AKAP9: variants seen among roughly 807,000 people sequenced by gnomAD.
AKAP9 encodes the protein A-kinase anchor protein 9.
A neutral mutation model predicts 488.5 loss-of-function variants in AKAP9; 311 were observed. The ratio of observed to expected loss-of-function variants is 0.64; its 90% CI spans 0.58 to 0.70. The LOEUF is 0.70. AKAP9 is among the 30% of genes least tolerant of loss of function. AKAP9 has a pLI of 0.00. For synonymous variants in AKAP9, 1,462 were observed against 1,483.5 expected, an observed-to-expected ratio of 0.99 and a Z score of 0.33; for missense variants, 4,215 against 4,374.5, an observed-to-expected ratio of 0.96 and a Z score of 1.03.
chr7:92,044,884 A>G lies in AKAP9; in HGVS notation c.5163-124A>G. On this transcript the variant is annotated intron_variant, in intron 20 of 49. Transcript: ENST00000356239. The stretch of plus-strand genomic sequence containing the variant: ...ATTGTAGATGCTATTGGGTATTTTA[A>G]TAAAAAGGATCATCTGTTATTTTTC... 7.0e-6 allele frequency: 5 copies of G among 710,158 alleles called. No homozygotes were observed. In the South Asian group the frequency reaches 8.5e-5, roughly 12 times the overall value. 44.0% of individuals were successfully genotyped at this position (710,158 alleles called of 1,614,324 possible). A position where few individuals can be genotyped will look rare whatever the true frequency, so the allele number is the denominator to read the frequency against.
At chr7:92,072,471 AT>A (rs754382159) in intron 28 of AKAP9, among the ~76,000 whole-genome samples, 3 of 152,158 alleles carry the variant, frequency 2.0e-5, no homozygotes, top group African/African-American at 7.2e-5. Context: ...CTTCTTAAGC[AT>A]TTTTTCCCCA....
intron 1 of AKAP9, among the ~76,000 whole-genome samples, chr7:91,963,527 C>CAT (rs1554381742): frequency 2.1e-5 from 3 of 144,952 alleles, no homozygotes; most frequent in African/African-American, 5.3e-5. Context: ...CACACACACA[C>CAT]ATATTTTTGA....
At chr7:92,104,984 C>T (rs569890658) in intron 46 of AKAP9, among the ~76,000 whole-genome samples, 8 of 152,180 alleles carry the variant, frequency 5.3e-5, no homozygotes, top group Non-Finnish European at 1.2e-4. Context: ...TTCATGAGAG[C>T]GGTGTAGAAG....
chr7:92,066,099 T>C (rs1479409913), intron 25 of AKAP9, among the ~76,000 whole-genome samples: 1 of 152,180 alleles, frequency 6.6e-6, no homozygotes, highest in Non-Finnish European at 1.5e-5. Flanking sequence ...TAACATGGAA[T>C]TCCTCCTTTG....
rs144088094 is a variant in AKAP9 at position 92,069,401 on chromosome 7, A to G, written c.6331-629A>G. Among the ~76,000 whole-genome samples, 38 of 152,324 alleles carry G rather than the reference A, an allele frequency of 2.5e-4. 1 individual carries two copies. The highest frequency in any genetic ancestry group is 1.2e-3 in the East Asian group (6 of 5,188). On this transcript the variant is annotated intron_variant, in intron 26 of 49. Transcript: ENST00000356239. ...TTTTTTAAAGGATTACGTGAAAGCA[A>G]TATTACTTGTGGTCTACTAGTGTTG...
In AKAP9 at chr7:92,062,487, G is replaced by GT. The variant is rs1367899263; in HGVS notation, c.5977+2dup. The GT allele has an allele frequency of 2.5e-6, 4 of 1,611,726 alleles. No individual in the cohort carries two copies. The highest frequency in any genetic ancestry group is 1.3e-5 in the African/African-American group (1 of 74,834). ...GCAGAGGCAGGCCCAGTTGAACAACGTAAGTATTTTCAGAATTTGTATGAA... is the reference window on the plus strand; with the variant it reads ...GCAGAGGCAGGCCCAGTTGAACAACGTTAAGTATTTTCAGAATTTGTATGAA... On this transcript the variant is annotated splice_donor_variant, in intron 24 of 49. Transcript: ENST00000356239. LOFTEE classifies it high-confidence loss of function.
At chr7:92,083,005 A>C (rs1813853326) in intron 32 of AKAP9, among the ~76,000 whole-genome samples, 165 bp from the exon 33 acceptor site, 1 of 152,158 alleles carries the variant, frequency 6.6e-6, no homozygotes, top group African/African-American at 2.4e-5. Context: ...GTACATACAA[A>C]TATATATATG....
intron 14 of AKAP9, among the ~76,000 whole-genome samples, chr7:92,026,207 T>C (rs1482234300): frequency 6.6e-6 from 1 of 152,164 alleles, no homozygotes; most frequent in African/African-American, 2.4e-5. Flanking sequence ...AGGAGCTTAA[T>C]TGCAAGAGGG....
Position 92,003,252 on chromosome 7 carries a change from A to T in AKAP9, c.3318+17A>T, listed in dbSNP as rs780193549. On this transcript the variant is annotated intron_variant, in intron 8 of 49. Transcript: ENST00000356239. ...TCAGAACAGGTATGTTTACTTCTTC[A>T]TATATGGTAAAGCACAATGAAAAAA... 46 of 1,535,370 alleles carry T rather than the reference A, an allele frequency of 3.0e-5. No homozygotes were observed. In the South Asian group the frequency reaches 4.5e-4, roughly 15 times the overall value.
rs1421984700 is a variant in AKAP9 at position 92,023,356 on chromosome 7, T to G, written c.4148+347T>G. ...TGATATGGTGAATACTTAAGGAATA[T>G]AAGGTAGGATCATTCCAGTCATGGC... On this transcript the variant is annotated intron_variant, in intron 14 of 49. Transcript: ENST00000356239. Among the ~76,000 whole-genome samples the G allele has an allele frequency of 3.9e-5, 6 of 152,220 alleles. No homozygotes were observed. In the East Asian group the frequency reaches 1.2e-3, roughly 29 times the overall value.
At chr7:92,044,831 G>T (rs1373659095) in intron 20 of AKAP9, among the ~76,000 whole-genome samples, 177 bp from the exon 21 acceptor site, 1 of 151,674 alleles carries the variant, frequency 6.6e-6, no homozygotes, top group Non-Finnish European at 1.5e-5. Context: ...TTATAATATA[G>T]TTACAAATAA....
rs535928082 is a variant in AKAP9 at position 92,107,488 on chromosome 7, C to T, written c.11546+66C>T. 8 of 1,485,926 alleles carry T rather than the reference C, an allele frequency of 5.4e-6. No individual in the cohort carries two copies. The East Asian group carries it at 1.8e-4, about 34-fold the overall frequency. 92.0% of individuals were successfully genotyped at this position (1,485,926 alleles called of 1,614,324 possible). ...TTAATATTTAACAGAGATAAATGGA[C>T]ATTTTTAGGGCTTTGACTTCTTTGC... On this transcript the variant is annotated intron_variant, in intron 48 of 49. Coordinates refer to ENST00000356239, the MANE Select transcript of AKAP9 (RefSeq NM_005751.5).
At chr7:92,064,251 ATGT>A (rs1381440079) in intron 24 of AKAP9, among the ~76,000 whole-genome samples, 1 of 152,020 alleles carries the variant, frequency 6.6e-6, no homozygotes, top group East Asian at 1.9e-4. Context: ...TTAACATCTA[ATGT>A]TGTTTTAAAA....
intron 25 of AKAP9, 51 bp from the exon 26 acceptor site, chr7:92,066,376 T>C: frequency 6.2e-7 from 1 of 1,603,576 alleles, no homozygotes; most frequent in African/African-American, 1.3e-5. Flanking sequence ...AATAATAGCT[T>C]CTCTAAATAC....
At chr7:92,004,430 T>G (rs1799548667) in intron 8 of AKAP9, among the ~76,000 whole-genome samples, 1 of 152,232 alleles carries the variant, frequency 6.6e-6, no homozygotes, top group Non-Finnish European at 1.5e-5. Flanking sequence ...TTCACAATAT[T>G]GATTCTTCCT....
At position 92,077,799 on chromosome 7, in the gene AKAP9, A is replaced by C; in HGVS notation, c.6869A>C (p.Lys2290Thr). Residue 2290 changes from lysine to threonine, a missense_variant, in exon 30 of 50, where the codon AAA becomes ACA. Lys to Thr is a moderately conservative substitution (Grantham distance 78, BLOSUM62 -1). Around this residue, in one of 5 missense-constraint regions of AKAP9, gnomAD observed 1,476 missense variants for 1,477.4 expected, o/e 1.00. Transcript: ENST00000356239. ...AAATTTGCTCAAATAATACAGGAAA[A>C]AGAGGTAGAAATTGACCAATTAAAT... Reference protein sequence around the residue: ...FGKFAQIIQEKEVEIDQLNEQ... With the variant: ...FGKFAQIIQETEVEIDQLNEQ... 1 of 1,613,804 alleles carries C rather than the reference A, an allele frequency of 6.2e-7. No homozygotes were observed. Among genetic ancestry groups the C allele is most frequent in the Non-Finnish European group, 8.5e-7 (1 of 1,179,862 alleles).
In AKAP9 at chr7:92,093,139, T is replaced by C. The variant is rs1333871837; in HGVS notation, c.9401T>C (p.Leu3134Pro). 2 of 1,614,194 alleles carry C rather than the reference T, an allele frequency of 1.2e-6. No individual in the cohort carries two copies. Among genetic ancestry groups the C allele is most frequent in the Non-Finnish European group, 1.7e-6 (2 of 1,180,016 alleles). Residue 3134 changes from leucine (L) to proline (P), a missense_variant, in exon 39 of 50, where the codon CTG becomes CCG. This residue lies in a region of AKAP9 where 1,476 missense variants were observed against 1,477.4 expected (regional missense o/e 1.00). Transcript: ENST00000356239. ...YNIQQKQSQMLEMQVELSSMK... is the reference protein window; with the variant it reads ...YNIQQKQSQMPEMQVELSSMK... ...ATACAGCAGAAGCAGTCTCAAATGC[T>C]GGAGATGCAAGTGGAGCTCAGCAGT...
intron 8 of AKAP9, among the ~76,000 whole-genome samples, chr7:92,011,404 G>A (rs1019893872): frequency 2.0e-4 from 30 of 152,138 alleles, no homozygotes; most frequent in African/African-American, 6.3e-4. Context: ...AATATGTACC[G>A]TATTCATAGT....
At chr7:92,004,772 A>G (rs1351531114) in intron 8 of AKAP9, among the ~76,000 whole-genome samples, 1 of 152,182 alleles carries the variant, frequency 6.6e-6, no homozygotes, top group Non-Finnish European at 1.5e-5. Flanking sequence ...AACAGGGACA[A>G]TTTGACTTCC....
Sources: allele counts gnomAD v4.1 joint callset (sites outside exome capture counted in the v4.1 genomes callset), GRCh38; gene constraint gnomAD v4.1.1; regional missense constraint gnomAD v4.1.1; transcripts MANE v1.5; gene names NCBI Gene and HGNC (gene_info 2026-07-23, HGNC 2026-07-21).